HROB: variants seen among roughly 807,000 people sequenced by gnomAD.
HROB encodes homologous recombination OB-fold protein.
Under a neutral mutation model 61.0 loss-of-function variants are expected in HROB, and 44 were observed. The observed-to-expected ratio is 0.72, with a 90% CI of 0.57 to 0.93. The LOEUF is 0.93. HROB is among the 40% of genes least tolerant of loss of function. The pLI is 0.00. For missense variants in HROB, 716 were observed against 796.2 expected, an observed-to-expected ratio of 0.90 and a Z score of 1.21; for synonymous variants, 301 against 310.4, an observed-to-expected ratio of 0.97 and a Z score of 0.32.
Position 44,149,509 on chromosome 17 carries a change from A to G in HROB, c.1224+482A>G, listed in dbSNP as rs113884642. Among the ~76,000 whole-genome samples, 638 of 152,252 alleles carry G rather than the reference A, an allele frequency of 4.2e-3. 2 individuals carry two copies. Among genetic ancestry groups the G allele is most frequent in the Non-Finnish European group, 7.7e-3 (522 of 67,996 alleles). On this transcript the variant is annotated intron_variant, in intron 3 of 9. Transcript: ENST00000585683. ...AGTGATCTGCCCGCCTCGGCCTCCC[A>G]AAGTGCTGGGATTATAGGCGTGAGC... is the stretch of plus-strand genomic sequence containing the variant.
chr17:44,144,967 C>T (rs374379232), intron 1 of HROB, among the ~76,000 whole-genome samples: 28 of 151,756 alleles, frequency 1.8e-4, no homozygotes, highest in African/African-American at 6.0e-4. Flanking sequence ...CCACCTGCCT[C>T]GGCCTCCCAA....
chr17:44,152,766 G>C lies in HROB; in HGVS notation c.1438G>C (p.Val480Leu). Residue 480 changes from valine (V) to leucine (L), a missense_variant, in exon 5 of 10, where the codon GTG becomes CTG. Physicochemically the swap from Val to Leu is conservative, Grantham distance 32. Coordinates refer to ENST00000585683, the MANE Select transcript of HROB (RefSeq NM_001171251.3). ...CCTCTGTACCTACAGCATTGTCATG[G>C]TGCTGCGCAAGGTAAGGATTCTGGG... The part of the protein sequence containing the change: ...CFLCTYSIVM[V>L]LRKAALKQLP... 6.2e-7 allele frequency: 1 copy of C among 1,613,654 alleles called. No individual in the cohort carries two copies. The highest frequency in any genetic ancestry group is 8.5e-7 in the Non-Finnish European group (1 of 1,179,810).
intron 2 of HROB, among the ~76,000 whole-genome samples, chr17:44,146,018 A>G (rs558769317): frequency 6.6e-6 from 1 of 151,632 alleles, no homozygotes; most frequent in Non-Finnish European, 1.5e-5. Flanking sequence ...GATGCTCTCC[A>G]CCTCCCTGCC....
rs767835644 is a variant in HROB, at chr17:44,145,286, C to T, written c.54+33C>T. 6.6e-5 allele frequency: 107 copies of T among 1,611,782 alleles called. 1 individual carries two copies. Among genetic ancestry groups the T allele is most frequent in the South Asian group, 2.2e-4 (20 of 91,014 alleles). ...AGTGTTGATGATCAGAGGTGGCAGACGAGGTCTTAAAATGTAAACACTCAG... is the reference window on the plus strand; with the variant it reads ...AGTGTTGATGATCAGAGGTGGCAGATGAGGTCTTAAAATGTAAACACTCAG... On this transcript the variant is annotated intron_variant, in intron 2 of 9. Transcript: ENST00000585683.
At chr17:44,147,788 C>A in intron 2 of HROB, 70 bp from the exon 3 acceptor site, 1 of 1,423,656 alleles carries the variant, frequency 7.0e-7, no homozygotes, top group Non-Finnish European at 9.6e-7. Context: ...ACGCCATGTG[C>A]CTGAACAGTA....
rs1479761068 is a variant in HROB at position 44,148,421 on chromosome 17, T to G, written c.618T>G (p.Ser206Arg). Residue 206 changes from serine to arginine, a missense_variant, in exon 3 of 10, where the codon AGT (serine) becomes AGG (arginine). Coordinates refer to ENST00000585683, the MANE Select transcript of HROB (RefSeq NM_001171251.3). The part of the protein sequence containing the change: ...LAKKARVVDL[S>R]GSCQKGPVPA... Reference sequence around the variant, plus strand: ...AAAAAGCCCGGGTAGTTGATCTGAGTGGATCTTGCCAGAAGGGGCCTGTGC... The same window carrying G: ...AAAAAGCCCGGGTAGTTGATCTGAGGGGATCTTGCCAGAAGGGGCCTGTGC... The G allele has an allele frequency of 4.3e-6, 7 of 1,613,818 alleles. No homozygotes were observed. Among genetic ancestry groups the G allele is most frequent in the Non-Finnish European group, 5.9e-6 (7 of 1,179,978 alleles).
intron 1 of HROB, among the ~76,000 whole-genome samples, chr17:44,144,711 A>C (rs920219967): frequency 2.0e-5 from 3 of 150,426 alleles, no homozygotes; most frequent in Non-Finnish European, 2.9e-5. Context: ...CACTGCACAC[A>C]GCTAAGTAAG....
chr17:44,158,252 A>G (rs2054029799), intron 9 of HROB, among the ~76,000 whole-genome samples: 1 of 152,142 alleles, frequency 6.6e-6, no homozygotes, highest in South Asian at 2.1e-4. Flanking sequence ...TTTGTGCCAC[A>G]CTCTGAGTCC....
chr17:44,156,834 T>G (rs1030669540), intron 8 of HROB, among the ~76,000 whole-genome samples: 1 of 152,062 alleles, frequency 6.6e-6, no homozygotes, highest in Non-Finnish European at 1.5e-5. Flanking sequence ...GGCTACTTTT[T>G]GTATTTTTAG....
chr17:44,147,962 G>A lies in HROB; in HGVS notation c.159G>A (p.Val53=), dbSNP rs1188268794. Residue 53 remains valine (V), a synonymous_variant, in exon 3 of 10, where the codon GTG becomes GTA. Coordinates refer to ENST00000585683, the MANE Select transcript of HROB (RefSeq NM_001171251.3). The part of the protein sequence containing the change: ...RPVSSRPQET[V]QAQSSRLLLL... ...TCTCTTCTAGGCCACAGGAGACTGT[G>A]CAGGCACAGTCCTCCAGGCTGCTGC... 6.2e-7 allele frequency: 1 copy of A among 1,614,030 alleles called. No homozygotes were observed. The highest frequency in any genetic ancestry group is 1.3e-5 in the African/African-American group (1 of 74,920).
In HROB at chr17:44,148,669, A is replaced by G; in HGVS notation, c.866A>G (p.Gln289Arg). The G allele has an allele frequency of 6.2e-7, 1 of 1,614,004 alleles. No individual in the cohort carries two copies. The highest frequency in any genetic ancestry group is 8.5e-7 in the Non-Finnish European group (1 of 1,180,014). ...CTCCAAGCTGCTAGAGGGACCATTC[A>G]GAGCAGCCCTCAAAATCGTTTCCCT... is the stretch of plus-strand genomic sequence containing the variant. ...QPLQAARGTI[Q>R]SSPQNRFPCQ... Residue 289 changes from glutamine (Q) to arginine (R), a missense_variant, in exon 3 of 10, where the codon CAG becomes CGG. Physicochemically the swap from Gln to Arg is conservative, Grantham distance 43 (BLOSUM62 1). Transcript: ENST00000585683.
chr17:44,143,236 C>G (rs771352550), intron 1 of HROB, among the ~76,000 whole-genome samples: 1 of 152,030 alleles, frequency 6.6e-6, no homozygotes, highest in Non-Finnish European at 1.5e-5. Context: ...CCATGCCCAG[C>G]CTGTGGCTGA....
rs759467416 is a variant in HROB at position 44,155,311 on chromosome 17, G to A, written c.1670G>A (p.Arg557Gln). The change falls in exon 8 of 10, where the codon CGA becomes CAA. Residue 557 changes from arginine to glutamine, a missense_variant. Coordinates refer to ENST00000585683, the MANE Select transcript of HROB (RefSeq NM_001171251.3). ...KQIGVFSPSL[R>Q]NHYLNVTPNN... ...ATTGGAGTGTTTTCTCCTTCACTTC[G>A]AAATCACTACCTCAACGTGACACCC... 1.8e-5 allele frequency: 29 copies of A among 1,613,968 alleles called. No individual in the cohort carries two copies. Among genetic ancestry groups the A allele is most frequent in the Admixed American group, 8.3e-5 (5 of 59,978 alleles).
intron 2 of HROB, 159 bp from the exon 3 acceptor site, chr17:44,147,699 G>A: frequency 1.4e-6 from 1 of 719,784 alleles, no homozygotes; most frequent in Admixed American, 3.0e-5. Flanking sequence ...GCCTCCCAAA[G>A]TGCTGGGATT....
chr17:44,152,521 C>A lies in HROB; in HGVS notation c.1309-116C>A. 5 of 1,216,958 alleles carry A rather than the reference C, an allele frequency of 4.1e-6. No individual in the cohort carries two copies. In the South Asian group the frequency reaches 4.7e-5, roughly 11 times the overall value. 75.4% of individuals were successfully genotyped at this position (1,216,958 alleles called of 1,614,324 possible). A position where few individuals can be genotyped will look rare whatever the true frequency, so the allele number is the denominator to read the frequency against. ...AGGAGAGACTGTGGCCATTGTACTACAGTTTTTCCGAGGGGATTTGCCTTT... is the reference window on the plus strand; with the variant it reads ...AGGAGAGACTGTGGCCATTGTACTAAAGTTTTTCCGAGGGGATTTGCCTTT... On this transcript the variant is annotated intron_variant, in intron 4 of 9. Transcript: ENST00000585683.
intron 9 of HROB, among the ~76,000 whole-genome samples, chr17:44,160,752 A>G (rs1041428386): frequency 3.3e-5 from 5 of 152,192 alleles, no homozygotes; most frequent in Non-Finnish European, 4.4e-5. Context: ...CAGTATACCA[A>G]TGGATAAACC....
intron 6 of HROB, 62 bp from the exon 7 acceptor site, chr17:44,154,791 G>T (rs939763802): frequency 2.5e-6 from 4 of 1,601,570 alleles, no homozygotes; most frequent in Non-Finnish European, 3.4e-6. Context: ...CCCAGCCAGG[G>T]CCCATACCAG....
At chr17:44,152,506 G>A in intron 4 of HROB, 131 bp from the exon 5 acceptor site, 1 of 929,082 alleles carries the variant, frequency 1.1e-6, no homozygotes, top group South Asian at 2.0e-5. Flanking sequence ...AGGAGAGACT[G>A]TGGCCATTGT....
At chr17:44,156,257 A>G (rs775056740) in intron 8 of HROB, among the ~76,000 whole-genome samples, 1 of 149,328 alleles carries the variant, frequency 6.7e-6, no homozygotes, top group Non-Finnish European at 1.5e-5. Flanking sequence ...TTTTTTTTTG[A>G]GACAGTTTTG....
Sources: gnomAD v4.1 joint callset for allele counts (sites outside exome capture counted in the v4.1 genomes callset) on GRCh38, gnomAD v4.1.1 for gene constraint, MANE v1.5 for transcripts, NCBI Gene and HGNC (gene_info 2026-07-23, HGNC 2026-07-21) for gene names.